Variants in BRMS1L observed in about 807,000 individuals in gnomAD.
BRMS1L encodes breast cancer metastasis-suppressor 1-like protein.
A neutral mutation model predicts 50.3 loss-of-function variants in BRMS1L; 23 were observed. The observed-to-expected ratio is 0.46, with a 90% confidence interval of 0.33 to 0.65. The LOEUF is 0.65. Among genes scored for constraint, BRMS1L ranks in the 30% least tolerant of loss-of-function variants. BRMS1L has a pLI of 0.02. For missense variants in BRMS1L, 286 were observed against 386.1 expected (o/e 0.74, Z 2.17); for synonymous variants, 114 against 126.9 (o/e 0.90, Z 0.69).
intron 1 of BRMS1L, among the ~76,000 whole-genome samples, chr14:35,829,060 G>C (rs1953572374): frequency 6.6e-6 from 1 of 151,708 alleles, no homozygotes; most frequent in Admixed American, 6.6e-5. Context: ...TCCAGCCTCA[G>C]CCTCCTGAGT....
chr14:35,833,168 GT>G, intron 3 of BRMS1L, 63 bp downstream of exon 3: 1 of 1,487,332 alleles, frequency 6.7e-7, no homozygotes, highest in Non-Finnish European at 9.1e-7. Flanking sequence ...TTTAAAAGGT[GT>G]TTATCAAGTA....
chr14:35,838,575 G>C (rs892218565), intron 4 of BRMS1L, among the ~76,000 whole-genome samples: 2 of 152,142 alleles, frequency 1.3e-5, no homozygotes, highest in African/African-American at 4.8e-5. Flanking sequence ...TCTAACTGGC[G>C]TGAGATGGTA....
At chr14:35,830,676 G>A (rs2077907825) in intron 1 of BRMS1L, among the ~76,000 whole-genome samples, 1 of 152,040 alleles carries the variant, frequency 6.6e-6, no homozygotes, top group South Asian at 2.1e-4. Flanking sequence ...TTTTTTATGT[G>A]ACAGGCAAAT....
chr14:35,843,021 C>T (rs1351524438), intron 4 of BRMS1L, among the ~76,000 whole-genome samples: 1 of 152,212 alleles, frequency 6.6e-6, no homozygotes, highest in African/African-American at 2.4e-5. Context: ...TGTTTTTCAG[C>T]TCCATCAGGA....
rs555451383 is a variant in BRMS1L at position 35,862,586 on chromosome 14, C to T, written c.442-4C>T. On this transcript the variant is annotated splice_polypyrimidine_tract_variant and splice_region_variant and intron_variant, in intron 4 of 9. Transcript: ENST00000216807. Reference sequence around the variant, plus strand: ...ACTTAAGTATAATCTGTTTTTCTCCCCAGAGCGAAAAGCTGTTGCTATATG... The same window carrying T: ...ACTTAAGTATAATCTGTTTTTCTCCTCAGAGCGAAAAGCTGTTGCTATATG... 5.7e-6 allele frequency: 9 copies of T among 1,567,020 alleles called. No homozygotes were observed. The highest frequency in any genetic ancestry group is 6.9e-6 in the Non-Finnish European group (8 of 1,156,998).
rs562927533 is a variant in BRMS1L at position 35,841,896 on chromosome 14, G to A, written c.441+6973G>A. Among the ~76,000 whole-genome samples the A allele has an allele frequency of 8.6e-5, 13 of 151,780 alleles. No homozygotes were observed. The East Asian group carries it at 2.3e-3, about 27-fold the overall frequency. ...ATATTTAGGATAGTTAGTTTCTCTG[G>A]TTGCATTGATCTGTTTACCATTATG... On this transcript the variant is annotated intron_variant, in intron 4 of 9. Transcript: ENST00000216807.
At chr14:35,852,856 G>T (rs141491558) in intron 4 of BRMS1L, among the ~76,000 whole-genome samples, 1 of 152,064 alleles carries the variant, frequency 6.6e-6, no homozygotes, top group African/African-American at 2.4e-5. Context: ...GCGTGAACCC[G>T]GGAGGCGAAG....
At chr14:35,856,070 G>T (rs1438235845) in intron 4 of BRMS1L, among the ~76,000 whole-genome samples, 5 of 152,122 alleles carry the variant, frequency 3.3e-5, no homozygotes, top group African/African-American at 1.2e-4. Flanking sequence ...AAATAATTCT[G>T]CAAGGCAAGG....
rs577275993 is a variant in BRMS1L, at chr14:35,865,864, C to A, written c.727+103C>A. Reference sequence around the variant, plus strand: ...AACTCTTGAATCAGTGGTTTTATTTCATCAGTGAACACCGTGCCTGAAATT... The same window carrying A: ...AACTCTTGAATCAGTGGTTTTATTTAATCAGTGAACACCGTGCCTGAAATT... On this transcript the variant is annotated intron_variant, in intron 8 of 9. Transcript: ENST00000216807. 72 of 978,732 alleles carry A rather than the reference C, an allele frequency of 7.4e-5. 2 individuals are homozygous for A. The South Asian group carries it at 1.0e-3, about 14-fold the overall frequency. 60.6% of individuals were successfully genotyped at this position (978,732 alleles called of 1,614,324 possible).
intron 4 of BRMS1L, among the ~76,000 whole-genome samples, chr14:35,862,282 A>G (rs2078362244): frequency 6.6e-6 from 1 of 152,154 alleles, no homozygotes; most frequent in African/African-American, 2.4e-5. Context: ...CTTAAATTTA[A>G]AAGGGGCCAT....
intron 4 of BRMS1L, among the ~76,000 whole-genome samples, chr14:35,839,035 G>A (rs923926470): frequency 6.6e-6 from 1 of 152,058 alleles, no homozygotes; most frequent in Non-Finnish European, 1.5e-5. Context: ...TCCATCTTGA[G>A]TTAATTTTTG....
chr14:35,869,707 A>G (rs954448045), intron 9 of BRMS1L, among the ~76,000 whole-genome samples: 4 of 152,026 alleles, frequency 2.6e-5, no homozygotes, highest in African/African-American at 9.7e-5. Context: ...TTAGCCAGGC[A>G]TGGTGGCACG....
In BRMS1L at chr14:35,851,350, GTGATTTCCAGATGTCTAAACAAAAAAGCA is replaced by G. The variant is rs555355205; in HGVS notation, c.442-11237_442-11209del. On this transcript the variant is annotated intron_variant, in intron 4 of 9. Transcript: ENST00000216807. ...GAAGATTTCTATGAATTGACATGAAGTGATTTCCAGATGTCTAAACAAAAAAGCATGCCAAAAAAAAAAAAAGAGGTGTA... is the reference window on the plus strand; with the variant it reads ...GAAGATTTCTATGAATTGACATGAAGTGCCAAAAAAAAAAAAAGAGGTGTA... Among the ~76,000 whole-genome samples the G allele has an allele frequency of 1.2e-3, 171 of 147,206 alleles. 2 individuals carry two copies. The East Asian group carries it at 0.026, about 23-fold the overall frequency.
intron 4 of BRMS1L, among the ~76,000 whole-genome samples, chr14:35,838,273 T>C (rs184298733): frequency 6.6e-5 from 10 of 152,364 alleles, no homozygotes; most frequent in Non-Finnish European, 1.3e-4. Flanking sequence ...CAGTCTTTCA[T>C]TGATAGACAT....
intron 4 of BRMS1L, among the ~76,000 whole-genome samples, chr14:35,848,673 AT>A (rs544034016): frequency 6.6e-5 from 10 of 151,984 alleles, no homozygotes; most frequent in Admixed American, 2.0e-4. Flanking sequence ...TATGAGTTTG[AT>A]TTTTTTTAGA....
chr14:35,826,467 C>A lies in BRMS1L; in HGVS notation c.-50C>A. Reference sequence around the variant, plus strand: ...TTCCGCGCGCCCTTCATTGAAGCGGCGGTGGCCGGGCTGGGCGCCGGTAGT... The same window carrying A: ...TTCCGCGCGCCCTTCATTGAAGCGGAGGTGGCCGGGCTGGGCGCCGGTAGT... On this transcript the variant is annotated 5_prime_UTR_variant, in exon 1 of 10. Coordinates refer to ENST00000216807, the MANE Select transcript of BRMS1L (RefSeq NM_032352.4). 6.4e-7 allele frequency: 1 copy of A among 1,552,010 alleles called. No individual in the cohort carries two copies. The highest frequency in any genetic ancestry group is 1.4e-5 in the African/African-American group (1 of 73,590).
intron 1 of BRMS1L, chr14:35,829,930 A>G: frequency 1.1e-6 from 1 of 923,590 alleles, no homozygotes; most frequent in Non-Finnish European, 1.3e-6. Flanking sequence ...TGCTTTCCTT[A>G]AAAAGTTTGT....
chr14:35,849,362 A>C (rs2078178970), intron 4 of BRMS1L, among the ~76,000 whole-genome samples: 1 of 152,104 alleles, frequency 6.6e-6, no homozygotes, highest in Non-Finnish European at 1.5e-5. Context: ...ATCATAGCTT[A>C]CTGCAGCCTC....
intron 4 of BRMS1L, among the ~76,000 whole-genome samples, chr14:35,844,323 C>G (rs2142046672): frequency 6.6e-6 from 1 of 152,260 alleles, no homozygotes. Context: ...GACGTAGGAA[C>G]CCGAGGGAAT....
Sources: gnomAD v4.1 joint callset for allele counts (sites outside exome capture counted in the v4.1 genomes callset) on GRCh38, gnomAD v4.1.1 for gene constraint, MANE v1.5 for transcripts, NCBI Gene and HGNC (gene_info 2026-07-23, HGNC 2026-07-21) for gene names.